EIF3E: variants seen among roughly 807,000 people sequenced by gnomAD.
EIF3E encodes the protein eukaryotic translation initiation factor 3 subunit E.
In EIF3E, 25 loss-of-function variants were observed where a neutral mutation model predicts 59.3. That is an observed-to-expected ratio of 0.42 (90% CI 0.31 to 0.59). The LOEUF (loss-of-function observed/expected upper bound fraction) is 0.59. Among genes scored for constraint, EIF3E ranks in the 20% least tolerant of loss-of-function variants. The pLI is 0.15. For missense variants in EIF3E, 317 were observed against 534.3 expected (o/e 0.59, Z 4.01); for synonymous variants, 176 against 170.2 (o/e 1.03, Z -0.26).
chr8:108,216,753 TTCCTC>T (rs1209441423), intron 8 of EIF3E, among the ~76,000 whole-genome samples: 1 of 152,156 alleles, frequency 6.6e-6, no homozygotes, highest in African/African-American at 2.4e-5. Flanking sequence ...AGCTTTCAAA[TTCCTC>T]TACTACCAAA....
intron 10 of EIF3E, among the ~76,000 whole-genome samples, chr8:108,210,749 C>T (rs1815191534): frequency 6.6e-6 from 1 of 151,988 alleles, no homozygotes; most frequent in Admixed American, 6.6e-5. Flanking sequence ...CTCCCCACTC[C>T]CCCCACCCCA....
chr8:108,239,300 A>G lies in EIF3E; in HGVS notation c.323+658T>C, dbSNP rs183201793. Among the ~76,000 whole-genome samples, 275 of 152,290 alleles carry G rather than the reference A, an allele frequency of 1.8e-3. 1 individual carries two copies. The highest frequency in any genetic ancestry group is 3.2e-3 in the Non-Finnish European group (216 of 68,022). Reference sequence around the variant, plus strand: ...CGGGCTCAAGCCATCCTCTGACCTCAGCCTCCCAAGTAGCAAGTAAGCTGA... The same window carrying G: ...CGGGCTCAAGCCATCCTCTGACCTCGGCCTCCCAAGTAGCAAGTAAGCTGA... On this transcript the variant is annotated intron_variant, in intron 3 of 12. Coordinates refer to ENST00000220849, the MANE Select transcript of EIF3E (RefSeq NM_001568.3).
At chr8:108,202,866 C>A in intron 12 of EIF3E, 117 bp downstream of exon 12, 5 of 1,197,342 alleles carry the variant, frequency 4.2e-6, no homozygotes, top group East Asian at 2.6e-5. Context: ...TAAAAATGTT[C>A]ATATCTTTAA....
At chr8:108,204,746 T>TATATATATATATATATATATATAG (rs1354950271) in intron 10 of EIF3E, among the ~76,000 whole-genome samples, 3 of 113,678 alleles carry the variant, frequency 2.6e-5, no homozygotes, top group African/African-American at 3.5e-5. Flanking sequence ...TATATATATA[T>TATATATATATATATATATATATAG]AGAGAGAGAG....
intron 7 of EIF3E, among the ~76,000 whole-genome samples, chr8:108,227,032 T>G (rs2129891748): frequency 6.6e-6 from 1 of 152,314 alleles, no homozygotes; most frequent in South Asian, 2.1e-4. Context: ...GAACTAAGAC[T>G]GTTAATGTAG....
intron 10 of EIF3E, among the ~76,000 whole-genome samples, chr8:108,212,374 AAC>A (rs546555761): frequency 9.2e-5 from 14 of 152,262 alleles, no homozygotes; most frequent in Non-Finnish European, 1.5e-4. Flanking sequence ...AACACATAGA[AAC>A]ACATTTTCAG....
At chr8:108,238,645 A>T (rs188157365) in intron 3 of EIF3E, among the ~76,000 whole-genome samples, 3 of 152,286 alleles carry the variant, frequency 2.0e-5, no homozygotes, top group Admixed American at 2.0e-4. Context: ...ATGTCACAGT[A>T]TGGTATGGTA....
chr8:108,214,941 A>G (rs1213247428), intron 9 of EIF3E, among the ~76,000 whole-genome samples: 2 of 152,252 alleles, frequency 1.3e-5, no homozygotes, highest in East Asian at 3.8e-4. Flanking sequence ...ACTTTAATAA[A>G]GTAGCCTTCT....
In EIF3E at chr8:108,239,441, A is replaced by T. The variant is rs374908678; in HGVS notation, c.323+517T>A. Among the ~76,000 whole-genome samples the T allele has an allele frequency of 2.5e-3, 379 of 152,266 alleles. 3 individuals carry two copies. Among genetic ancestry groups the T allele is most frequent in the African/African-American group, 8.7e-3 (362 of 41,558 alleles). On this transcript the variant is annotated intron_variant, in intron 3 of 12. Coordinates refer to ENST00000220849, the MANE Select transcript of EIF3E (RefSeq NM_001568.3). ...GGTCTCAAACTCCTAGGCTCAACGG[A>T]TTCACTTGCCTCCACCTCCCCAAGT... is the stretch of plus-strand genomic sequence containing the variant.
intron 7 of EIF3E, among the ~76,000 whole-genome samples, chr8:108,223,422 T>A (rs1319951911): frequency 6.6e-6 from 1 of 152,186 alleles, no homozygotes; most frequent in Non-Finnish European, 1.5e-5. Flanking sequence ...GAGTTTTTTT[T>A]ACCAGGAACT....
At chr8:108,244,146 A>C (rs2129930039) in intron 1 of EIF3E, among the ~76,000 whole-genome samples, 1 of 152,358 alleles carries the variant, frequency 6.6e-6, no homozygotes, top group South Asian at 2.1e-4. Flanking sequence ...AAACAGAAAT[A>C]ATAACAGTAA....
chr8:108,244,273 C>T (rs554582015), intron 1 of EIF3E, among the ~76,000 whole-genome samples: 2 of 152,064 alleles, frequency 1.3e-5, no homozygotes, highest in Admixed American at 6.6e-5. Flanking sequence ...GCAAATGTTC[C>T]TCTGTTACAA....
intron 5 of EIF3E, chr8:108,234,538 A>C (rs1815687606): frequency 6.6e-6 from 1 of 152,358 alleles, no homozygotes; most frequent in South Asian, 2.1e-4. Context: ...AGTTACTACT[A>C]AGGCATAAAA....
At chr8:108,224,130 G>A (rs1815475051) in intron 7 of EIF3E, among the ~76,000 whole-genome samples, 1 of 151,212 alleles carries the variant, frequency 6.6e-6, no homozygotes, top group Non-Finnish European at 1.5e-5. Context: ...GCTGAGGCAG[G>A]AGAATGGCGT....
intron 10 of EIF3E, among the ~76,000 whole-genome samples, chr8:108,204,742 T>G (rs1186757553): frequency 1.9e-5 from 2 of 103,814 alleles, no homozygotes; most frequent in Admixed American, 9.7e-5. Context: ...TATATATATA[T>G]ATATAGAGAG....
rs555633649 is a variant in EIF3E at position 108,211,697 on chromosome 8, GC to G, written c.1061+2909del. On this transcript the variant is annotated intron_variant, in intron 10 of 12. Coordinates refer to ENST00000220849, the MANE Select transcript of EIF3E (RefSeq NM_001568.3). ...TTACTTTAGCAGGCTGTAATTACAC[GC>G]CTAAAAAACTGGTTACCTAATGCAG... Among the ~76,000 whole-genome samples, 447 of 152,160 alleles carry G rather than the reference GC, an allele frequency of 2.9e-3. 1 individual carries two copies. Among genetic ancestry groups the G allele is most frequent in the African/African-American group, 9.9e-3 (410 of 41,510 alleles).
At chr8:108,217,203 A>G in intron 8 of EIF3E, 131 bp downstream of exon 8, 1 of 705,532 alleles carries the variant, frequency 1.4e-6, no homozygotes, top group South Asian at 2.6e-5. Context: ...TCTTTTCTAA[A>G]CTTCAAGTAT....
rs1563640654 is a variant in EIF3E, at chr8:108,248,598, CA to C, written c.90+14del. 1 of 1,613,670 alleles carries C rather than the reference CA, an allele frequency of 6.2e-7. No individual in the cohort carries two copies. Among genetic ancestry groups the C allele is most frequent in the East Asian group, 2.2e-5 (1 of 44,878 alleles). On this transcript the variant is annotated intron_variant, in intron 1 of 12. Coordinates refer to ENST00000220849, the MANE Select transcript of EIF3E (RefSeq NM_001568.3). ...TCCGCCCCCACGCCTTCCTTGCGCC[CA>C]AAGACCCCCTCACCTCCTTTACAGA...
At chr8:108,247,155 C>T (rs539384874) in intron 1 of EIF3E, among the ~76,000 whole-genome samples, 9 of 152,232 alleles carry the variant, frequency 5.9e-5, no homozygotes, top group African/African-American at 2.2e-4. Context: ...TTCTCAACTG[C>T]CTGCAGTTCA....
Sources: gnomAD v4.1 joint callset for allele counts (sites outside exome capture counted in the v4.1 genomes callset) on GRCh38, gnomAD v4.1.1 for gene constraint, MANE v1.5 for transcripts, NCBI Gene and HGNC (gene_info 2026-07-23, HGNC 2026-07-21) for gene names.